Variants in ASIC5 observed in about 807,000 individuals in gnomAD.
ASIC5 encodes the protein bile acid-sensitive ion channel.
ASIC5 carries 52 observed loss-of-function variants against 51.2 expected under a neutral mutation model. The ratio of observed to expected loss-of-function variants is 1.02; its 90% CI spans 0.81 to 1.28. ASIC5 has a LOEUF of 1.28. Among genes scored for constraint, ASIC5 ranks in the 50% most tolerant of loss-of-function variants. The probability of loss-of-function intolerance (pLI) is 0.00; values close to 1 mark genes in which losing one functional copy is unlikely to be tolerated. For synonymous variants in ASIC5, 231 were observed against 200.7 expected, an observed-to-expected ratio of 1.15 and a Z score of -1.28; for missense variants, 635 against 595.0, an observed-to-expected ratio of 1.07 and a Z score of -0.70.
chr4:155,833,776 T>C (rs1740920417), intron 8 of ASIC5, among the ~76,000 whole-genome samples: 1 of 152,216 alleles, frequency 6.6e-6, no homozygotes, highest in Non-Finnish European at 1.5e-5. Context: ...AAAAATATTG[T>C]GATATTTGCT....
intron 4 of ASIC5, among the ~76,000 whole-genome samples, chr4:155,845,720 T>C (rs913930443): frequency 3.3e-5 from 5 of 152,068 alleles, no homozygotes; most frequent in East Asian, 1.9e-4. Context: ...TAGAGTTCTA[T>C]AATTTTATGT....
chr4:155,862,478 G>A (rs1489737581), intron 2 of ASIC5, among the ~76,000 whole-genome samples: 1 of 152,070 alleles, frequency 6.6e-6, no homozygotes, highest in African/African-American at 2.4e-5. Flanking sequence ...GCTAAGTGGT[G>A]AGTCTTAAGA....
rs1740836100 is a variant in ASIC5 at position 155,829,908 on chromosome 4, G to C, written c.1466C>G (p.Thr489Ser). ...TCCCAGATGATTCTGAGGTGGAGGA[G>C]TCCACTGGGTCATTTCAGATATCTT... Reference protein sequence around the residue: ...LLKISEMTQWTPPPQNHLGNK... With the variant: ...LLKISEMTQWSPPPQNHLGNK... Residue 489 changes from threonine to serine, a missense_variant, in exon 10 of 10, where the codon ACT becomes AGT. Physicochemically the swap from Thr to Ser is moderately conservative, Grantham distance 58. Coordinates refer to ENST00000537611, the MANE Select transcript of ASIC5 (RefSeq NM_017419.3). The C allele has an allele frequency of 6.2e-7, 1 of 1,604,306 alleles. No homozygotes were observed. The highest frequency in any genetic ancestry group is 8.5e-7 in the Non-Finnish European group (1 of 1,176,360).
At chr4:155,830,769 G>A (rs143609996) in intron 9 of ASIC5, among the ~76,000 whole-genome samples, 2,044 of 151,938 alleles carry the variant, frequency 0.013, 144 homozygotes, top group Admixed American at 0.12. Context: ...TCCTCTCCTC[G>A]GCCCATGACA....
intron 2 of ASIC5, 145 bp downstream of exon 2, chr4:155,863,303 C>G (rs1741761614): frequency 1.6e-6 from 1 of 627,886 alleles, no homozygotes; most frequent in Admixed American, 3.0e-5. Flanking sequence ...TAAATTTGTG[C>G]TTTTGAGTGC....
chr4:155,842,287 T>TA lies in ASIC5; in HGVS notation c.928dup (p.Tyr310LeufsTer34). 1 of 1,613,602 alleles carries TA rather than the reference T, an allele frequency of 6.2e-7. No individual in the cohort carries two copies. Among genetic ancestry groups the TA allele is most frequent in the Non-Finnish European group, 8.5e-7 (1 of 1,179,662 alleles). On this transcript the variant is annotated frameshift_variant, in exon 6 of 10. Transcript: ENST00000537611. LOFTEE classifies it high-confidence loss of function. ...TTCCTTCAAGCAACCAGAAGTGCTG[T>TA]AGCTGCTAAAATTCTGCAGCTTGAT...
intron 4 of ASIC5, among the ~76,000 whole-genome samples, chr4:155,844,987 C>T (rs749498706): frequency 2.6e-5 from 4 of 151,942 alleles, no homozygotes; most frequent in Non-Finnish European, 5.9e-5. Flanking sequence ...AGTCTGCTAG[C>T]AGCACATTTT....
intron 1 of ASIC5, 139 bp from the exon 2 acceptor site, chr4:155,863,893 C>G: frequency 6.9e-6 from 5 of 721,350 alleles, no homozygotes; most frequent in Non-Finnish European, 1.1e-5. Context: ...AAAAATTCAT[C>G]TTTTGTTGCA....
intron 7 of ASIC5, among the ~76,000 whole-genome samples, chr4:155,838,330 A>C (rs1014714067): frequency 6.6e-6 from 1 of 152,312 alleles, no homozygotes; most frequent in Non-Finnish European, 1.5e-5. Flanking sequence ...GGGGCTCTTT[A>C]ATAAGAACTT....
intron 6 of ASIC5, among the ~76,000 whole-genome samples, chr4:155,839,087 C>G (rs1426815538): frequency 6.6e-6 from 1 of 152,060 alleles, no homozygotes; most frequent in Non-Finnish European, 1.5e-5. Flanking sequence ...TTGTTTCTTT[C>G]CATACCTCTT....
chr4:155,863,584 C>A lies in ASIC5; in HGVS notation c.211G>T (p.Gly71Cys), dbSNP rs371554649. Reference sequence around the variant, plus strand: ...TGCCATGTCACAAGTGAGACTGAGCCCAGAACCACCACCAACCAGAGCACC... The same window carrying A: ...TGCCATGTCACAAGTGAGACTGAGCACAGAACCACCACCAACCAGAGCACC... ...RRVLWLVVVL[G>C]SVSLVTWQIY... Residue 71 changes from glycine (G) to cysteine (C), a missense_variant, in exon 2 of 10, where the codon GGC becomes TGC. By Grantham distance (159) the Gly-to-Cys change is radical. Transcript: ENST00000537611. 2 of 1,613,474 alleles carry A rather than the reference C, an allele frequency of 1.2e-6. No individual in the cohort carries two copies. The highest frequency in any genetic ancestry group is 2.7e-5 in the African/African-American group (2 of 74,806).
chr4:155,840,200 T>G (rs1579286209), intron 6 of ASIC5, among the ~76,000 whole-genome samples: 1 of 151,968 alleles, frequency 6.6e-6, no homozygotes, highest in African/African-American at 2.4e-5. Context: ...GTCAACATTA[T>G]TCTGCATGAA....
intron 1 of ASIC5, 128 bp downstream of exon 1, chr4:155,866,059 C>T: frequency 3.7e-6 from 2 of 540,980 alleles, no homozygotes; most frequent in Non-Finnish European, 6.4e-6. Context: ...ACTTATATTA[C>T]TTATATTGTG....
At chr4:155,836,489 T>C (rs1740983254) in intron 8 of ASIC5, among the ~76,000 whole-genome samples, 200 bp downstream of exon 8, 1 of 152,198 alleles carries the variant, frequency 6.6e-6, no homozygotes, top group African/African-American at 2.4e-5. Flanking sequence ...CATTTTCCTT[T>C]TCACACAATT....
At chr4:155,847,831 G>A (rs1314282951) in intron 4 of ASIC5, among the ~76,000 whole-genome samples, 2 of 152,070 alleles carry the variant, frequency 1.3e-5, no homozygotes, top group Non-Finnish European at 2.9e-5. Context: ...AGGTGGGCAT[G>A]TGAGATTGCA....
chr4:155,841,028 G>C (rs1217957959), intron 6 of ASIC5, among the ~76,000 whole-genome samples: 2 of 151,908 alleles, frequency 1.3e-5, no homozygotes, highest in Non-Finnish European at 2.9e-5. Context: ...CTGGTTCACT[G>C]GTCCCCTACC....
At chr4:155,847,209 G>A (rs950754104) in intron 4 of ASIC5, among the ~76,000 whole-genome samples, 3 of 151,948 alleles carry the variant, frequency 2.0e-5, no homozygotes, top group African/African-American at 7.2e-5. Flanking sequence ...TTAAGTGTTG[G>A]TTTGCTTAGG....
intron 6 of ASIC5, among the ~76,000 whole-genome samples, chr4:155,839,155 A>G (rs1361219539): frequency 1.3e-5 from 2 of 152,172 alleles, no homozygotes; most frequent in Non-Finnish European, 2.9e-5. Context: ...TTCAAATGTG[A>G]GTAGTTTTCA....
At chr4:155,835,267 C>A (rs1302966717) in intron 8 of ASIC5, among the ~76,000 whole-genome samples, 1 of 152,134 alleles carries the variant, frequency 6.6e-6, no homozygotes. Context: ...CCAAAGCGCT[C>A]CCCCTGGCCT....
Sources: allele counts gnomAD v4.1 joint callset (sites outside exome capture counted in the v4.1 genomes callset), GRCh38; gene constraint gnomAD v4.1.1; transcripts MANE v1.5; gene names NCBI Gene and HGNC (gene_info 2026-07-23, HGNC 2026-07-21).